Variants in MAPK9 observed in about 807,000 individuals in gnomAD.
The protein encoded by MAPK9 is Jun kinase.
A neutral mutation model predicts 57.1 loss-of-function variants in MAPK9; 30 were observed. That is an observed-to-expected ratio of 0.53 (90% CI 0.39 to 0.71). MAPK9 has a LOEUF of 0.71. MAPK9 is among the 30% of genes least tolerant of loss of function. MAPK9 has a pLI of 0.00. For missense variants in MAPK9, 362 were observed against 521.0 expected, an observed-to-expected ratio of 0.69 and a Z score of 2.97; for synonymous variants, 155 against 177.0, an observed-to-expected ratio of 0.88 and a Z score of 0.99.
rs373543258 is a variant in MAPK9 at position 180,250,910 on chromosome 5, C to A, written c.451-1772G>T. ...GAAGCAGCCCACATTCAACCAGGGA[C>A]GCTCCGCTGTGAGGACCAAGTCAGG... On this transcript the variant is annotated intron_variant, in intron 5 of 11. Coordinates refer to ENST00000452135, the MANE Select transcript of MAPK9 (RefSeq NM_002752.5). Among the ~76,000 whole-genome samples, 22 of 152,242 alleles carry A rather than the reference C, an allele frequency of 1.4e-4. No homozygotes were observed. In the South Asian group the frequency reaches 3.9e-3, roughly 27 times the overall value.
intron 5 of MAPK9, among the ~76,000 whole-genome samples, chr5:180,260,875 G>A (rs1358917135): frequency 6.6e-6 from 1 of 151,514 alleles, no homozygotes; most frequent in African/African-American, 2.4e-5. Flanking sequence ...TATGAAAAAT[G>A]TACTGTTTTT....
intron 5 of MAPK9, among the ~76,000 whole-genome samples, chr5:180,256,577 G>A (rs890567967): frequency 6.6e-6 from 1 of 152,182 alleles, no homozygotes; most frequent in Non-Finnish European, 1.5e-5. Flanking sequence ...AGGGAGGAGA[G>A]GACACAGCAA....
chr5:180,249,281 T>C (rs1045798783), intron 5 of MAPK9, 143 bp from the exon 6 acceptor site: 8 of 797,446 alleles, frequency 1.0e-5, no homozygotes, highest in East Asian at 3.0e-5. Flanking sequence ...TGGAAAATCT[T>C]ACTCTCAAAT....
chr5:180,252,062 A>G (rs1758769523), intron 5 of MAPK9, among the ~76,000 whole-genome samples: 1 of 152,106 alleles, frequency 6.6e-6, no homozygotes, highest in African/African-American at 2.4e-5. Flanking sequence ...AAACACTCTC[A>G]GGGCTCCTCC....
In MAPK9 at chr5:180,234,048, C is replaced by T. The variant is rs1757009558; in HGVS notation, c.*2336G>A. On this transcript the variant is annotated 3_prime_UTR_variant, in exon 12 of 12. Transcript: ENST00000452135. ...GAGACCTGGACATGGGGGAGACAGT[C>T]GTTTCCTTCTTGGCTGGAAACTAAG... 6.6e-6 allele frequency: 1 copy of T among 152,212 alleles called. No homozygotes were observed. Among genetic ancestry groups the T allele is most frequent in the African/African-American group, 2.4e-5 (1 of 41,440 alleles). The allele number at this position is 152,212 out of a possible 1,614,324, so 9.4% of individuals were successfully genotyped here.
intron 7 of MAPK9, among the ~76,000 whole-genome samples, chr5:180,244,063 G>C (rs970705387): frequency 1.6e-4 from 25 of 152,112 alleles, no homozygotes; most frequent in African/African-American, 5.3e-4. Flanking sequence ...TGGCCAGGCT[G>C]GTCTGGAATT....
At chr5:180,244,015 T>C (rs1032904862) in intron 7 of MAPK9, among the ~76,000 whole-genome samples, 3 of 151,950 alleles carry the variant, frequency 2.0e-5, no homozygotes, top group East Asian at 3.9e-4. Context: ...GGTCGGCTAA[T>C]TTTTGTTATT....
chr5:180,291,988 G>A lies in MAPK9; in HGVS notation c.-188C>T, dbSNP rs1389131105. The A allele has an allele frequency of 3.1e-5, 5 of 159,600 alleles. No homozygotes were observed. Among genetic ancestry groups the A allele is most frequent in the Non-Finnish European group, 6.6e-5 (5 of 75,986 alleles). The allele number at this position is 159,600 out of a possible 1,614,324, so 9.9% of individuals were successfully genotyped here. ...GCTCCGCCCCGCCGCCGCCGCCGCC[G>A]CCGCCGCCGCAGTGGGTGTGAGGGG... On this transcript the variant is annotated 5_prime_UTR_variant, in exon 1 of 12. Coordinates refer to ENST00000452135, the MANE Select transcript of MAPK9 (RefSeq NM_002752.5).
chr5:180,287,245 A>C (rs1407184399), intron 1 of MAPK9, among the ~76,000 whole-genome samples: 3 of 152,192 alleles, frequency 2.0e-5, no homozygotes, highest in Non-Finnish European at 4.4e-5. Context: ...CACGATAAAA[A>C]ATGACAATGA....
At chr5:180,269,452 T>C (rs771297440) in intron 2 of MAPK9, 43 bp from the exon 3 acceptor site, 2 of 1,581,426 alleles carry the variant, frequency 1.3e-6, no homozygotes, top group Admixed American at 3.4e-5. Context: ...AGAACGGTTT[T>C]GGAAAATACA....
At chr5:180,281,823 G>A (rs1762337806) in intron 1 of MAPK9, among the ~76,000 whole-genome samples, 1 of 152,236 alleles carries the variant, frequency 6.6e-6, no homozygotes, top group Non-Finnish European at 1.5e-5. Context: ...GCTGCAGTGT[G>A]GCTGCCACTC....
At chr5:180,268,952 A>T (rs1760974495) in intron 3 of MAPK9, among the ~76,000 whole-genome samples, 1 of 151,176 alleles carries the variant, frequency 6.6e-6, no homozygotes, top group Non-Finnish European at 1.5e-5. Context: ...ATCCTGACTA[A>T]CATGGTGAAA....
At chr5:180,240,133 CAT>C (rs1357247403) in intron 9 of MAPK9, 146 bp from the exon 10 acceptor site, 5 of 631,348 alleles carry the variant, frequency 7.9e-6, no homozygotes, top group Non-Finnish European at 2.8e-6. Context: ...AAAGATTTGT[CAT>C]GTGATATTAT....
chr5:180,261,188 G>A (rs1759914934), intron 5 of MAPK9, among the ~76,000 whole-genome samples: 1 of 152,176 alleles, frequency 6.6e-6, no homozygotes, highest in Non-Finnish European at 1.5e-5. Flanking sequence ...CAGGGAAGCT[G>A]GCACGGCAGA....
At chr5:180,272,097 A>G (rs759641530) in intron 2 of MAPK9, among the ~76,000 whole-genome samples, 3 of 152,058 alleles carry the variant, frequency 2.0e-5, no homozygotes, top group Non-Finnish European at 4.4e-5. Context: ...TCTCCTCCAC[A>G]TGATTTGCAG....
At chr5:180,284,897 C>T (rs984573506) in intron 1 of MAPK9, among the ~76,000 whole-genome samples, 2 of 152,130 alleles carry the variant, frequency 1.3e-5, no homozygotes, top group African/African-American at 2.4e-5. Flanking sequence ...TGCCCAGCTA[C>T]GTAAACACAC....
rs1032947943 is a variant in MAPK9, at chr5:180,280,552, T to C, written c.10A>G (p.Ser4Gly). 3 of 1,614,028 alleles carry C rather than the reference T, an allele frequency of 1.9e-6. No homozygotes were observed. The highest frequency in any genetic ancestry group is 2.5e-6 in the Non-Finnish European group (3 of 1,179,952). Residue 4 changes from serine to glycine, a missense_variant, in exon 2 of 12, where the codon AGT becomes GGT. Ser to Gly is a moderately conservative substitution (Grantham distance 56). Around this residue, in one of 3 missense-constraint regions of MAPK9, gnomAD observed 36 missense variants for 38.0 expected, o/e 0.95. Coordinates refer to ENST00000452135, the MANE Select transcript of MAPK9 (RefSeq NM_002752.5). The part of the protein sequence containing the change: MSD[S>G]KCDSQFYSVQ... ...CTATAAAACTGACTGTCACATTTACTGTCGCTCATGATGCAGCGTCCTGCA... is the reference window on the plus strand; with the variant it reads ...CTATAAAACTGACTGTCACATTTACCGTCGCTCATGATGCAGCGTCCTGCA...
chr5:180,244,258 C>T (rs1340826779), intron 7 of MAPK9, among the ~76,000 whole-genome samples: 2 of 152,134 alleles, frequency 1.3e-5, no homozygotes, highest in African/African-American at 2.4e-5. Context: ...TCTGGGCTCC[C>T]GGCTACACTA....
At chr5:180,250,864 T>C (rs1331658325) in intron 5 of MAPK9, among the ~76,000 whole-genome samples, 1 of 152,032 alleles carries the variant, frequency 6.6e-6, no homozygotes, top group East Asian at 1.9e-4. Flanking sequence ...GCTGCCTCCC[T>C]GCATGAAGGA....
Sources: gnomAD v4.1 joint callset for allele counts (sites outside exome capture counted in the v4.1 genomes callset) on GRCh38, gnomAD v4.1.1 for gene constraint, gnomAD v4.1.1 regional missense constraint, MANE v1.5 for transcripts, NCBI Gene and HGNC (gene_info 2026-07-23, HGNC 2026-07-21) for gene names.